HLF: variants seen among roughly 807,000 people sequenced by gnomAD.
HLF encodes HLF transcription factor, PAR bZIP family member.
HLF carries 3 observed loss-of-function variants against 22.6 expected under a neutral mutation model. The ratio of observed to expected loss-of-function variants is 0.13; its 90% CI spans 0.06 to 0.34. The LOEUF is 0.34. Ranked by LOEUF, HLF falls within the 10% of genes least tolerant of loss-of-function variation. The pLI, the probability that HLF is intolerant of heterozygous loss-of-function variation, is 1.00. For synonymous variants in HLF, 151 were observed against 151.8 expected (o/e 0.99, Z 0.04); for missense variants, 299 against 389.2 (o/e 0.77, Z 1.95).
chr17:55,315,152 T>A (rs1435199173), intron 2 of HLF, 75 bp from the exon 3 acceptor site: 1 of 1,094,054 alleles, frequency 9.1e-7, no homozygotes, highest in African/African-American at 1.5e-5. Flanking sequence ...ACCACTCATC[T>A]CAGAGCACCA....
At chr17:55,277,337 ATGT>A (rs373254852) in intron 2 of HLF, among the ~76,000 whole-genome samples, 21 of 149,492 alleles carry the variant, frequency 1.4e-4, no homozygotes, top group Middle Eastern at 3.6e-3. Flanking sequence ...GGGAAGGTTA[ATGT>A]CTCAGTGATA....
chr17:55,278,965 G>A (rs545049643), intron 2 of HLF, among the ~76,000 whole-genome samples: 37 of 152,304 alleles, frequency 2.4e-4, no homozygotes, highest in South Asian at 6.2e-4. Context: ...CCTTGAAAGA[G>A]TTCCTGAAGA....
At position 55,324,808 on chromosome 17, in the gene HLF, T is replaced by TGTGTGTGC. The variant is rs142611274; in HGVS notation, c.*3930_*3931insTGTGTGCG. On this transcript the variant is annotated 3_prime_UTR_variant, in exon 4 of 4. Transcript: ENST00000226067. ...GTGTAAGAGTGTGTGTGTGTGTGTGTGCGTGCATGTGTGTGTGTGTGTATG... is the reference window on the plus strand; with the variant it reads ...GTGTAAGAGTGTGTGTGTGTGTGTGTGTGTGTGCGCGTGCATGTGTGTGTGTGTGTATG... The TGTGTGTGC allele has an allele frequency of 6.7e-4, 155 of 231,150 alleles. 3 individuals carry two copies. Among genetic ancestry groups the TGTGTGTGC allele is most frequent in the South Asian group, 1.7e-3 (9 of 5,338 alleles). 14.3% of individuals were successfully genotyped at this position (231,150 alleles called of 1,614,324 possible).
At chr17:55,290,510 A>T (rs183167559) in intron 2 of HLF, among the ~76,000 whole-genome samples, 3 of 152,264 alleles carry the variant, frequency 2.0e-5, no homozygotes, top group Admixed American at 2.0e-4. Context: ...GTTTGGGGGC[A>T]CCATGAGCCA....
rs535748096 is a variant in HLF, at chr17:55,264,982, A to T, written c.-503A>T. 7 of 160,238 alleles carry T rather than the reference A, an allele frequency of 4.4e-5. No individual in the cohort carries two copies. Among genetic ancestry groups the T allele is most frequent in the South Asian group, 2.2e-4 (1 of 4,584 alleles). 9.9% of individuals were successfully genotyped at this position (160,238 alleles called of 1,614,324 possible). A position where few individuals can be genotyped will look rare whatever the true frequency, so the allele number is the denominator to read the frequency against. ...GTCACTCTTGTCAGGGCCGCGGCAC[A>T]TGGGCGGCCGGATGCGCTGAGCCCG... On this transcript the variant is annotated 5_prime_UTR_variant, in exon 1 of 4. The change abolishes an upstream ATG in the 5' untranslated region. Transcript: ENST00000226067.
intron 2 of HLF, among the ~76,000 whole-genome samples, chr17:55,270,970 T>C (rs1284610923): frequency 1.3e-5 from 2 of 152,194 alleles, no homozygotes. Context: ...TTACGCTTTA[T>C]AGGATGCTTA....
Sources: gnomAD v4.1 joint callset for allele counts (sites outside exome capture counted in the v4.1 genomes callset) on GRCh38, gnomAD v4.1.1 for gene constraint, MANE v1.5 for transcripts, NCBI Gene and HGNC (gene_info 2026-07-23, HGNC 2026-07-21) for gene names.